UBR1: variants seen among roughly 807,000 people sequenced by gnomAD.
UBR1 encodes E3 ubiquitin-protein ligase UBR1.
In UBR1, 102 loss-of-function variants were observed where a neutral mutation model predicts 242.1. The ratio of observed to expected loss-of-function variants is 0.42; its 90% confidence interval spans 0.36 to 0.50. UBR1 has a LOEUF of 0.50. UBR1 is among the 20% of genes least tolerant of loss of function. The pLI, the probability that UBR1 is intolerant of heterozygous loss-of-function variation, is 0.01. For missense variants in UBR1, 1,772 were observed against 2,101.8 expected (o/e 0.84, Z 3.07); for synonymous variants, 675 against 684.8 (o/e 0.99, Z 0.22).
At chr15:43,061,725 A>G (rs574135200) in intron 6 of UBR1, among the ~76,000 whole-genome samples, 3 of 144,518 alleles carry the variant, frequency 2.1e-5, no homozygotes, top group Non-Finnish European at 3.0e-5. Flanking sequence ...AACAAACATT[A>G]TATGTTCTCA....
intron 33 of UBR1, among the ~76,000 whole-genome samples, chr15:42,997,046 A>G (rs2032651170): frequency 6.6e-6 from 1 of 152,020 alleles, no homozygotes; most frequent in Admixed American, 6.5e-5. Context: ...TGGGCTGCAC[A>G]GCAGGAGGTG....
In UBR1 at chr15:42,945,470, C is replaced by T. The variant is rs1387329972; in HGVS notation, c.5109G>A (p.Lys1703=). ...GAGATAAATGAAGGGGGTTGCCCCTCCTTTAGGGAAAAAAGAAAAAACAAC... is the reference window on the plus strand; with the variant it reads ...GAGATAAATGAAGGGGGTTGCCCCTTCTTTAGGGAAAAAAGAAAAAACAAC... The part of the protein sequence containing the change: ...DEYGETDPGL[K]RGNPLHLSRE... The change falls in exon 47 of 47, where the codon AAG becomes AAA. Residue 1703 remains lysine (K), a splice_region_variant and synonymous_variant. Transcript: ENST00000290650. The T allele has an allele frequency of 1.2e-6, 2 of 1,613,838 alleles. No individual in the cohort carries two copies. The highest frequency in any genetic ancestry group is 2.7e-5 in the African/African-American group (2 of 74,848).
intron 28 of UBR1, among the ~76,000 whole-genome samples, chr15:43,016,435 AAAT>A (rs544784929): frequency 1.1e-3 from 163 of 152,320 alleles, no homozygotes; most frequent in Admixed American, 1.5e-3. Flanking sequence ...GCAATAACAC[AAAT>A]ATTATTGCAT....
At chr15:42,946,831 A>G (rs538009969) in intron 46 of UBR1, among the ~76,000 whole-genome samples, 1 of 152,258 alleles carries the variant, frequency 6.6e-6, no homozygotes, top group Admixed American at 6.5e-5. Context: ...CTCAGAAGGA[A>G]AGAAGGCTGA....
At chr15:42,968,673 T>C (rs2032152306) in intron 40 of UBR1, among the ~76,000 whole-genome samples, 1 of 152,006 alleles carries the variant, frequency 6.6e-6, no homozygotes, top group African/African-American at 2.4e-5. Flanking sequence ...CCTCCCCTTT[T>C]CCCCCAGCCC....
chr15:43,066,276 T>C (rs1043266198), intron 6 of UBR1, among the ~76,000 whole-genome samples: 3 of 152,220 alleles, frequency 2.0e-5, no homozygotes, highest in African/African-American at 7.2e-5. Context: ...CAGATGGTTC[T>C]AGGTGTGTGG....
Position 42,945,190 on chromosome 15 carries a change from A to G in UBR1, c.*139T>C. On this transcript the variant is annotated 3_prime_UTR_variant, in exon 47 of 47. Coordinates refer to ENST00000290650, the MANE Select transcript of UBR1 (RefSeq NM_174916.3). Reference sequence around the variant, plus strand: ...TGAAAGCAATACTCCATTAAGAAATATTTTATTGATGTAAGTGAACCTGGA... The same window carrying G: ...TGAAAGCAATACTCCATTAAGAAATGTTTTATTGATGTAAGTGAACCTGGA... The G allele has an allele frequency of 8.7e-7, 1 of 1,149,094 alleles. No homozygotes were observed. Among genetic ancestry groups the G allele is most frequent in the Non-Finnish European group, 1.3e-6 (1 of 790,332 alleles). 71.2% of individuals were successfully genotyped at this position (1,149,094 alleles called of 1,614,324 possible).
chr15:43,004,032 A>G lies in UBR1; in HGVS notation c.3416-102T>C, dbSNP rs959142996. 10 of 965,776 alleles carry G rather than the reference A, an allele frequency of 1.0e-5. No individual in the cohort carries two copies. The African/African-American group carries it at 1.4e-4, about 14-fold the overall frequency. The allele number at this position is 965,776 out of a possible 1,614,324, so 59.8% of individuals were successfully genotyped here. On this transcript the variant is annotated intron_variant, in intron 30 of 46. Transcript: ENST00000290650. ...GAATGTCCAAGCAAAGTGTCACAAT[A>G]TCATGATAGGAGGATATATAGTAAC...
chr15:43,091,973 C>T, intron 1 of UBR1: 1 of 446,264 alleles, frequency 2.2e-6, no homozygotes, highest in Middle Eastern at 4.1e-4. Context: ...GTGGTCCCAG[C>T]TATTCGGGAG....
chr15:43,020,568 T>C (rs1243697851), intron 27 of UBR1, among the ~76,000 whole-genome samples: 2 of 152,210 alleles, frequency 1.3e-5, no homozygotes, highest in Non-Finnish European at 2.9e-5. Context: ...CAGCAGCCAA[T>C]ACCATCTTGT....
rs2031687508 is a variant in UBR1 at position 42,943,719 on chromosome 15, C to T, written c.*1610G>A. The T allele has an allele frequency of 6.6e-6, 1 of 152,166 alleles. No individual in the cohort carries two copies. The highest frequency in any genetic ancestry group is 2.1e-4 in the South Asian group (1 of 4,830). The allele number at this position is 152,166 out of a possible 1,614,324, so 9.4% of individuals were successfully genotyped here. On this transcript the variant is annotated 3_prime_UTR_variant, in exon 47 of 47. Transcript: ENST00000290650. ...TCAATACAATTATATAAGAAACAAA[C>T]ACACATGTTCAAATACTTTCATCAT...
In UBR1 at chr15:43,096,324, G is replaced by C. The variant is rs982371601; in HGVS notation, c.81+9618C>G. 2.6e-5 allele frequency among the ~76,000 whole-genome samples: 4 copies of C among 151,762 alleles called. No homozygotes were observed. In the South Asian group the frequency reaches 6.2e-4, roughly 24 times the overall value. Reference sequence around the variant, plus strand: ...GAGTAGCTGGGATTACAGGCGCCTGGCTCATTTTTGTATTTTTGGTAGAGA... The same window carrying C: ...GAGTAGCTGGGATTACAGGCGCCTGCCTCATTTTTGTATTTTTGGTAGAGA... On this transcript the variant is annotated intron_variant, in intron 1 of 46. Coordinates refer to ENST00000290650, the MANE Select transcript of UBR1 (RefSeq NM_174916.3).
At chr15:42,977,747 G>T in intron 38 of UBR1, 133 bp downstream of exon 38, 2 of 710,472 alleles carry the variant, frequency 2.8e-6, no homozygotes, top group Non-Finnish European at 4.9e-6. Context: ...TGTAAACAAT[G>T]GACAGGAGAG....
intron 15 of UBR1, 135 bp from the exon 16 acceptor site, chr15:43,038,367 G>C (rs961568092): frequency 1.3e-6 from 1 of 771,160 alleles, no homozygotes; most frequent in African/African-American, 1.7e-5. Context: ...TCAGCACTTT[G>C]GGAGGCCTAG....
intron 35 of UBR1, among the ~76,000 whole-genome samples, chr15:42,985,989 C>CAAAAAAAAAAAA (rs1230190123): frequency 1.7e-4 from 8 of 46,922 alleles, no homozygotes; most frequent in Non-Finnish European, 2.2e-4. Context: ...GACCCTGTCT[C>CAAAAAAAAAAAA]AAAAAAAAAA....
intron 30 of UBR1, among the ~76,000 whole-genome samples, chr15:43,005,613 G>A (rs1266891915): frequency 4.6e-5 from 7 of 152,238 alleles, no homozygotes; most frequent in Non-Finnish European, 7.3e-5. Context: ...CATTGAGAAC[G>A]GGCCATGATG....
At chr15:42,987,529 C>T (rs2032487396) in intron 35 of UBR1, among the ~76,000 whole-genome samples, 1 of 151,980 alleles carries the variant, frequency 6.6e-6, no homozygotes, top group Admixed American at 6.5e-5. Context: ...TCCTGGCCAA[C>T]ATGGTGAAAC....
chr15:43,073,000 A>T (rs1011468266), intron 4 of UBR1, among the ~76,000 whole-genome samples: 1 of 152,088 alleles, frequency 6.6e-6, no homozygotes, highest in Non-Finnish European at 1.5e-5. Flanking sequence ...CATCTCTACT[A>T]AAAATATAAA....
Position 43,017,108 on chromosome 15 carries a change from A to G in UBR1, c.3014T>C (p.Ile1005Thr). 1 of 1,613,162 alleles carries G rather than the reference A, an allele frequency of 6.2e-7. No homozygotes were observed. The highest frequency in any genetic ancestry group is 1.1e-5 in the South Asian group (1 of 91,056). ...ACAGTGTCATACCTCATCATTCTTAATAGATTCCGATCCTGATGTGGTTGC... is the reference window on the plus strand; with the variant it reads ...ACAGTGTCATACCTCATCATTCTTAGTAGATTCCGATCCTGATGTGGTTGC... Reference protein sequence around the residue: ...IVATTSGSESIKNDEITHDKE... With the variant: ...IVATTSGSESTKNDEITHDKE... The change falls in exon 28 of 47, where the codon ATT becomes ACT. Residue 1005 changes from isoleucine (I) to threonine (T), a missense_variant. Ile to Thr is a moderately conservative substitution (Grantham distance 89). Coordinates refer to ENST00000290650, the MANE Select transcript of UBR1 (RefSeq NM_174916.3).
Sources: allele counts gnomAD v4.1 joint callset (sites outside exome capture counted in the v4.1 genomes callset), GRCh38; gene constraint gnomAD v4.1.1; transcripts MANE v1.5; gene names NCBI Gene and HGNC (gene_info 2026-07-23, HGNC 2026-07-21).